MAP3K4: variants seen among roughly 807,000 people sequenced by gnomAD.
MAP3K4 encodes mitogen-activated protein kinase kinase kinase 4, also known as MAP three kinase 1.
Under a neutral mutation model 185.6 loss-of-function variants are expected in MAP3K4, and 67 were observed. The observed-to-expected ratio is 0.36, with a 90% CI of 0.30 to 0.44. The LOEUF (loss-of-function observed/expected upper bound fraction) is 0.44. Ranked by LOEUF, MAP3K4 falls within the 20% of genes least tolerant of loss-of-function variation. The probability of loss-of-function intolerance (pLI) is 1.00; values close to 1 mark genes in which losing one functional copy is unlikely to be tolerated. For missense variants in MAP3K4, 1,551 were observed against 1,995.1 expected (o/e 0.78, Z 4.24); for synonymous variants, 702 against 710.4 (o/e 0.99, Z 0.19).
Position 161,053,847 on chromosome 6 carries a change from G to A in MAP3K4, c.1707+3868G>A, listed in dbSNP as rs9458107. ...GACCCCAAATGATCCACCTGCCTCCGCCTCCCAAAGTGCTGGGATTACAGG... is the reference window on the plus strand; with the variant it reads ...GACCCCAAATGATCCACCTGCCTCCACCTCCCAAAGTGCTGGGATTACAGG... On this transcript the variant is annotated intron_variant, in intron 3 of 26. Transcript: ENST00000392142. The surrounding 1 kb of genome is among the most constrained non-coding windows in gnomAD (Gnocchi z 4.2). 2.0e-5 allele frequency among the ~76,000 whole-genome samples: 3 copies of A among 152,228 alleles called. No homozygotes were observed. The highest frequency in any genetic ancestry group is 4.4e-5 in the Non-Finnish European group (3 of 68,006).
At chr6:161,005,479 T>G (rs1268968933) in intron 1 of MAP3K4, among the ~76,000 whole-genome samples, 1 of 152,126 alleles carries the variant, frequency 6.6e-6, no homozygotes, top group Non-Finnish European at 1.5e-5. Flanking sequence ...GTTTTAGTAC[T>G]CAGGAATGGT....
At position 161,049,199 on chromosome 6, in the gene MAP3K4, C is replaced by T; in HGVS notation, c.927C>T (p.Ala309=). The T allele has an allele frequency of 6.2e-7, 1 of 1,614,098 alleles. No homozygotes were observed. Among genetic ancestry groups the T allele is most frequent in the Non-Finnish European group, 8.5e-7 (1 of 1,180,012 alleles). The change falls in exon 3 of 27, where the codon GCC becomes GCT. Residue 309 remains alanine, a synonymous_variant. Transcript: ENST00000392142. This position sits in a 1 kb window ranked among gnomAD's most constrained non-coding sequence, Gnocchi z 8.4. ...TCAAAGTCGACTATGGGAGCTTCGC[C>T]TTTGTTAGAGATAGAGCTGGTTTTA... ...LTFKVDYGSF[A]FVRDRAGFNG...
Position 161,108,637 on chromosome 6 carries a change from C to A in MAP3K4, c.4120-106C>A. The A allele has an allele frequency of 1.4e-6, 1 of 717,924 alleles. No individual in the cohort carries two copies. 44.5% of individuals were successfully genotyped at this position (717,924 alleles called of 1,614,324 possible). ...TTTTTGTTGTTTTTAATTGACAAATCATGATTACATATATTTATGGGGTGC... is the reference window on the plus strand; with the variant it reads ...TTTTTGTTGTTTTTAATTGACAAATAATGATTACATATATTTATGGGGTGC... On this transcript the variant is annotated intron_variant, in intron 21 of 26. Coordinates refer to ENST00000392142, the MANE Select transcript of MAP3K4 (RefSeq NM_005922.4). This position sits in a 1 kb window ranked among gnomAD's most constrained non-coding sequence, Gnocchi z 5.7.
intron 1 of MAP3K4, among the ~76,000 whole-genome samples, chr6:161,019,201 G>C: frequency 6.6e-6 from 1 of 152,216 alleles, no homozygotes; most frequent in Admixed American, 6.5e-5. Context: ...TGAGTTTAAA[G>C]TAGGGTCAAC....
In MAP3K4 at chr6:161,091,477, A is replaced by G. The variant is rs141172376; in HGVS notation, c.3072A>G (p.Glu1024=). The G allele has an allele frequency of 1.5e-4, 237 of 1,614,066 alleles. No homozygotes were observed. Among genetic ancestry groups the G allele is most frequent in the Non-Finnish European group, 1.9e-4 (223 of 1,180,032 alleles). The change falls in exon 12 of 27, where the codon GAA becomes GAG. Residue 1024 remains glutamate (E), a synonymous_variant. Coordinates refer to ENST00000392142, the MANE Select transcript of MAP3K4 (RefSeq NM_005922.4). The surrounding 1 kb of genome is among the most constrained non-coding windows in gnomAD (Gnocchi z 5.5). ...TTGATGCTGAGGTTGATGAATCTGA[A>G]TCTGTCACCTTGCAACAGTACTACC... ...SEFDAEVDES[E]SVTLQQYYRE...
chr6:161,019,283 C>A (rs546349840), intron 1 of MAP3K4, among the ~76,000 whole-genome samples: 10 of 152,174 alleles, frequency 6.6e-5, no homozygotes, highest in Non-Finnish European at 1.2e-4. Flanking sequence ...ACCTTTGTTG[C>A]CTGTCTTAAA....
rs768779875 is a variant in MAP3K4, at chr6:161,109,875, G to A, written c.4357G>A (p.Val1453Ile). The change falls in exon 23 of 27, where the codon GTC becomes ATC. Residue 1453 changes from valine (V) to isoleucine (I), a missense_variant. By Grantham distance (29) the Val-to-Ile change is conservative. This residue lies in a region of MAP3K4 where 159 missense variants were observed against 300.5 expected (regional missense o/e 0.53). Transcript: ENST00000392142. The surrounding 1 kb of genome is among the most constrained non-coding windows in gnomAD (Gnocchi z 5.7). Reference protein sequence around the residue: ...YSKQITIAINVLHEHGIVHRD... With the variant: ...YSKQITIAINILHEHGIVHRD... ...AAAGCAGATCACCATTGCGATCAACGTCCTCCATGAGCATGGCATAGTCCA... is the reference window on the plus strand; with the variant it reads ...AAAGCAGATCACCATTGCGATCAACATCCTCCATGAGCATGGCATAGTCCA... The A allele has an allele frequency of 1.8e-5, 29 of 1,613,926 alleles. No individual in the cohort carries two copies. Among genetic ancestry groups the A allele is most frequent in the Middle Eastern group, 1.6e-4 (1 of 6,070 alleles).
intron 23 of MAP3K4, among the ~76,000 whole-genome samples, chr6:161,111,078 G>A (rs187066799): frequency 6.6e-6 from 1 of 152,198 alleles, no homozygotes; most frequent in African/African-American, 2.4e-5. Flanking sequence ...GCTGCCCCTC[G>A]TAGTCAATTG....
intron 1 of MAP3K4, among the ~76,000 whole-genome samples, chr6:161,021,274 T>C (rs907680499): frequency 9.9e-5 from 15 of 152,178 alleles, no homozygotes; most frequent in African/African-American, 3.6e-4. Flanking sequence ...ATTGCTGGAG[T>C]GTAGACAGAA....
In MAP3K4 at chr6:161,048,855, A is replaced by C. The variant is rs149423305; in HGVS notation, c.583A>C (p.Asn195His). 1,129 of 1,614,216 alleles carry C rather than the reference A, an allele frequency of 7.0e-4. 13 individuals carry two copies. The East Asian group carries it at 0.016, about 23-fold the overall frequency. Reference sequence around the variant, plus strand: ...GCCTTACCTCAGCCTTGGCTGTAGCAATGCTAAGCTTCCAGTATCTGTGCC... The same window carrying C: ...GCCTTACCTCAGCCTTGGCTGTAGCCATGCTAAGCTTCCAGTATCTGTGCC... The part of the protein sequence containing the change: ...NKPYLSLGCS[N>H]AKLPVSVPMP... Residue 195 changes from asparagine (N) to histidine (H), a missense_variant, in exon 3 of 27, where the codon AAT (asparagine) becomes CAT (histidine). Asn to His is a moderately conservative substitution (Grantham distance 68). Around this residue, in one of 16 missense-constraint regions of MAP3K4, gnomAD observed 287 missense variants for 268.8 expected, o/e 1.07. Transcript: ENST00000392142. This position sits in a 1 kb window ranked among gnomAD's most constrained non-coding sequence, Gnocchi z 4.7.
chr6:161,110,716 T>C lies in MAP3K4; in HGVS notation c.4396+802T>C, dbSNP rs539826805. Among the ~76,000 whole-genome samples, 1 of 152,276 alleles carries C rather than the reference T, an allele frequency of 6.6e-6. No individual in the cohort carries two copies. The highest frequency in any genetic ancestry group is 2.1e-4 in the South Asian group (1 of 4,828). The stretch of plus-strand genomic sequence containing the variant: ...TTACACCAGTCTGCTTTGGTCTGGG[T>C]GTAAGCATTGTTCGTGCTCTGTAAT... On this transcript the variant is annotated intron_variant, in intron 23 of 26. Coordinates refer to ENST00000392142, the MANE Select transcript of MAP3K4 (RefSeq NM_005922.4). This position sits in a 1 kb window ranked among gnomAD's most constrained non-coding sequence, Gnocchi z 4.8.
intron 3 of MAP3K4, among the ~76,000 whole-genome samples, chr6:161,055,437 G>T (rs991154931): frequency 6.6e-6 from 1 of 152,162 alleles, no homozygotes; most frequent in African/African-American, 2.4e-5. Flanking sequence ...TAGAAAATTT[G>T]CAAAGATAGT....
intron 1 of MAP3K4, among the ~76,000 whole-genome samples, chr6:161,024,223 C>T (rs942387727): frequency 6.6e-6 from 1 of 152,128 alleles, no homozygotes; most frequent in Non-Finnish European, 1.5e-5. Flanking sequence ...CCCGCCTCTG[C>T]CTCCTAGAGT....
rs1389658409 is a variant in MAP3K4 at position 161,101,296 on chromosome 6, T to C, written c.3675-596T>C. On this transcript the variant is annotated intron_variant, in intron 17 of 26. Coordinates refer to ENST00000392142, the MANE Select transcript of MAP3K4 (RefSeq NM_005922.4). This position sits in a 1 kb window ranked among gnomAD's most constrained non-coding sequence, Gnocchi z 5.1. ...TTTGCACTTTTGCTTGGCTACTGCT[T>C]GAGAAACCTTTAGGTATTCCCTTCC... 6.6e-6 allele frequency: 1 copy of C among 152,194 alleles called. No homozygotes were observed. Among genetic ancestry groups the C allele is most frequent in the Non-Finnish European group, 1.5e-5 (1 of 68,040 alleles). 9.4% of individuals were successfully genotyped at this position (152,194 alleles called of 1,614,324 possible). A position where few individuals can be genotyped will look rare whatever the true frequency, so the allele number is the denominator to read the frequency against.
At chr6:161,029,098 A>C (rs370764028) in intron 1 of MAP3K4, among the ~76,000 whole-genome samples, 8 of 152,320 alleles carry the variant, frequency 5.3e-5, no homozygotes, top group African/African-American at 1.4e-4. Flanking sequence ...AATAGCAGAA[A>C]TCTCCCTAAT....
Position 161,111,869 on chromosome 6 carries a change from T to A in MAP3K4, c.4430T>A (p.Ile1477Asn). ...ANIFLTSSGL[I>N]KLGDFGCSVK... ...ATCTTCCTTACCTCATCTGGATTAA[T>A]CAAACTGGGAGATTTTGGATGTTCA... Residue 1477 changes from isoleucine to asparagine, a missense_variant, in exon 24 of 27, where the codon ATC (isoleucine) becomes AAC (asparagine). By Grantham distance (149) the Ile-to-Asn change is moderately radical. This residue lies in a region of MAP3K4 where 159 missense variants were observed against 300.5 expected (regional missense o/e 0.53). Coordinates refer to ENST00000392142, the MANE Select transcript of MAP3K4 (RefSeq NM_005922.4). The A allele has an allele frequency of 6.2e-7, 1 of 1,613,938 alleles. No homozygotes were observed. The highest frequency in any genetic ancestry group is 8.5e-7 in the Non-Finnish European group (1 of 1,179,908).
chr6:161,009,525 G>C (rs932083000), intron 1 of MAP3K4, among the ~76,000 whole-genome samples: 3 of 152,084 alleles, frequency 2.0e-5, no homozygotes, highest in African/African-American at 7.2e-5. Flanking sequence ...ATTTCACTTG[G>C]TGTAATTTTC....
chr6:161,115,613 G>A lies in MAP3K4; in HGVS notation c.4806+311G>A, dbSNP rs927982422. Among the ~76,000 whole-genome samples the A allele has an allele frequency of 2.6e-5, 4 of 152,070 alleles. No individual in the cohort carries two copies. The highest frequency in any genetic ancestry group is 6.5e-5 in the Admixed American group (1 of 15,274). Reference sequence around the variant, plus strand: ...TATAGTCTACTTGGAGGGTCAAGACGGTAATGACTAATCATTATACTGAGA... The same window carrying A: ...TATAGTCTACTTGGAGGGTCAAGACAGTAATGACTAATCATTATACTGAGA... On this transcript the variant is annotated intron_variant, in intron 26 of 26. Transcript: ENST00000392142. This position sits in a 1 kb window ranked among gnomAD's most constrained non-coding sequence, Gnocchi z 6.0.
chr6:161,016,489 ATCT>A (rs1782119918), intron 1 of MAP3K4, among the ~76,000 whole-genome samples: 1 of 152,144 alleles, frequency 6.6e-6, no homozygotes. Context: ...TTACATTTTG[ATCT>A]TCTATTCATT....
Sources: allele counts gnomAD v4.1 joint callset (sites outside exome capture counted in the v4.1 genomes callset), GRCh38; gene constraint gnomAD v4.1.1; regional missense constraint gnomAD v4.1.1; non-coding constraint Gnocchi (gnomAD v3.1); transcripts MANE v1.5; gene names NCBI Gene and HGNC (gene_info 2026-07-23, HGNC 2026-07-21).